AMBRA1: variants seen among roughly 807,000 people sequenced by gnomAD.
The protein encoded by AMBRA1 is activating molecule in BECN1-regulated autophagy protein 1.
AMBRA1 carries 47 observed loss-of-function variants against 125.4 expected under a neutral mutation model. The observed-to-expected ratio is 0.37, with a 90% CI of 0.30 to 0.48. The LOEUF is 0.48. Ranked by LOEUF, AMBRA1 falls within the 20% of genes least tolerant of loss-of-function variation. AMBRA1 has a pLI of 0.99. For synonymous variants in AMBRA1, 626 were observed against 655.5 expected, an observed-to-expected ratio of 0.95 and a Z score of 0.69; for missense variants, 1,331 against 1,693.4, an observed-to-expected ratio of 0.79 and a Z score of 3.76.
intron 11 of AMBRA1, among the ~76,000 whole-genome samples, chr11:46,488,150 A>G (rs566805485): frequency 1.3e-5 from 2 of 152,328 alleles, no homozygotes; most frequent in South Asian, 2.1e-4. Flanking sequence ...CACAAAATAC[A>G]TTAATCAAAA....
intron 14 of AMBRA1, among the ~76,000 whole-genome samples, chr11:46,426,855 C>G (rs993469122): frequency 2.0e-5 from 3 of 152,188 alleles, no homozygotes; most frequent in East Asian, 1.9e-4. Flanking sequence ...ACAAAGCCAT[C>G]TGTCTTTTAT....
At chr11:46,494,245 G>A (rs1334981192) in intron 9 of AMBRA1, 41 bp from the exon 10 acceptor site, 1 of 1,507,536 alleles carries the variant, frequency 6.6e-7, no homozygotes, top group Non-Finnish European at 9.1e-7. Context: ...GAGTCACTAA[G>A]GAAGAATCAT....
At chr11:46,398,518 T>A (rs1945564211) in intron 17 of AMBRA1, among the ~76,000 whole-genome samples, 1 of 152,210 alleles carries the variant, frequency 6.6e-6, no homozygotes, top group Non-Finnish European at 1.5e-5. Flanking sequence ...GGAGTCTCAC[T>A]CTTTCACCCA....
chr11:46,571,986 C>T (rs1038170594), intron 1 of AMBRA1, among the ~76,000 whole-genome samples: 1 of 152,100 alleles, frequency 6.6e-6, no homozygotes, highest in African/African-American at 2.4e-5. Flanking sequence ...CTGCGCCCTG[C>T]CCAATCAATC....
At chr11:46,532,440 T>C (rs867004965) in intron 7 of AMBRA1, among the ~76,000 whole-genome samples, 3 of 152,170 alleles carry the variant, frequency 2.0e-5, no homozygotes, top group Admixed American at 6.5e-5. Flanking sequence ...GGAAGAAAGG[T>C]TGAAGAGTTC....
At chr11:46,573,446 T>G (rs1268090304) in intron 1 of AMBRA1, among the ~76,000 whole-genome samples, 2 of 151,986 alleles carry the variant, frequency 1.3e-5, no homozygotes, top group African/African-American at 4.8e-5. Flanking sequence ...CCATGCATTT[T>G]TCCTGCTGTA....
At chr11:46,413,617 A>T (rs1946396881) in intron 15 of AMBRA1, among the ~76,000 whole-genome samples, 1 of 152,010 alleles carries the variant, frequency 6.6e-6, no homozygotes, top group Non-Finnish European at 1.5e-5. Flanking sequence ...CAGCCTCCCG[A>T]GTAGCTGGGA....
intron 12 of AMBRA1, among the ~76,000 whole-genome samples, chr11:46,438,893 G>T (rs1001369034): frequency 6.6e-6 from 1 of 152,176 alleles, no homozygotes; most frequent in Non-Finnish European, 1.5e-5. Flanking sequence ...TCAAGTGAGA[G>T]AAGCAGGTGG....
Position 46,524,862 on chromosome 11 carries a change from G to A in AMBRA1, c.2073-12049C>T, listed in dbSNP as rs150296500. ...AGGTATAAACAGGGGTACCTGAGCCGTGAGAATCACATGCACCCCATCCAC... is the reference window on the plus strand; with the variant it reads ...AGGTATAAACAGGGGTACCTGAGCCATGAGAATCACATGCACCCCATCCAC... On this transcript the variant is annotated intron_variant, in intron 7 of 17. Coordinates refer to ENST00000683756, the MANE Select transcript of AMBRA1 (RefSeq NM_001387011.1). Among the ~76,000 whole-genome samples the A allele has an allele frequency of 2.6e-3, 392 of 152,362 alleles. 3 individuals carry two copies. The highest frequency in any genetic ancestry group is 6.7e-3 in the Admixed American group (103 of 15,298).
chr11:46,481,375 G>A (rs189250939), intron 11 of AMBRA1, among the ~76,000 whole-genome samples: 8 of 152,236 alleles, frequency 5.3e-5, no homozygotes, highest in African/African-American at 1.4e-4. Context: ...AGTCTTCTGA[G>A]CTGAACACAC....
intron 7 of AMBRA1, among the ~76,000 whole-genome samples, chr11:46,540,491 G>A (rs142598266): frequency 2.9e-4 from 44 of 152,254 alleles, no homozygotes; most frequent in African/African-American, 1.0e-3. Context: ...TCCAGAACTG[G>A]TTTCAAGCAT....
At chr11:46,455,050 T>TA (rs1279945213) in intron 11 of AMBRA1, among the ~76,000 whole-genome samples, 5 of 151,302 alleles carry the variant, frequency 3.3e-5, no homozygotes, top group Non-Finnish European at 5.9e-5. Context: ...CCCAGCTAAT[T>TA]AAAAAAAAAT....
intron 1 of AMBRA1, among the ~76,000 whole-genome samples, chr11:46,550,124 T>C (rs2042947635): frequency 6.6e-6 from 1 of 152,188 alleles, no homozygotes; most frequent in Non-Finnish European, 1.5e-5. Context: ...CAGCCGACAC[T>C]AGCTTTTCTA....
chr11:46,417,379 T>G (rs1946592565), intron 15 of AMBRA1, among the ~76,000 whole-genome samples: 1 of 152,164 alleles, frequency 6.6e-6, no homozygotes, highest in Admixed American at 6.6e-5. Context: ...CTGCTTTCAC[T>G]AGTATAAGCT....
intron 11 of AMBRA1, among the ~76,000 whole-genome samples, chr11:46,455,184 G>C (rs1049862199): frequency 3.9e-5 from 6 of 152,148 alleles, no homozygotes; most frequent in African/African-American, 1.4e-4. Flanking sequence ...ACTGCACCCA[G>C]CATAGGTTTT....
chr11:46,398,019 T>C (rs1945540455), intron 17 of AMBRA1, 76 bp from the exon 18 acceptor site: 2 of 1,505,036 alleles, frequency 1.3e-6, no homozygotes, highest in South Asian at 1.3e-5. Context: ...CAGCCACCGG[T>C]AGCAGCTGGG....
chr11:46,462,104 T>C (rs1949116030), intron 11 of AMBRA1, among the ~76,000 whole-genome samples: 1 of 152,230 alleles, frequency 6.6e-6, no homozygotes, highest in Admixed American at 6.5e-5. Flanking sequence ...ACAAGAGATA[T>C]CTGACGAGAT....
chr11:46,533,759 C>T (rs1458041738), intron 7 of AMBRA1, among the ~76,000 whole-genome samples: 5 of 152,078 alleles, frequency 3.3e-5, no homozygotes, highest in African/African-American at 1.2e-4. Context: ...TCATGCTACT[C>T]CACTTCTGAT....
At chr11:46,491,108 C>G (rs767001495) in intron 11 of AMBRA1, 4 of 152,188 alleles carry the variant, frequency 2.6e-5, no homozygotes, top group Non-Finnish European at 5.9e-5. Flanking sequence ...GCAAGCACCA[C>G]TGGATCATAA....
Sources: gnomAD v4.1 joint callset for allele counts (sites outside exome capture counted in the v4.1 genomes callset) on GRCh38, gnomAD v4.1.1 for gene constraint, MANE v1.5 for transcripts, NCBI Gene and HGNC (gene_info 2026-07-23, HGNC 2026-07-21) for gene names.